Variants in FCHO1 observed in about 807,000 individuals in gnomAD.
FCHO1 encodes F-BAR domain only protein 1.
A neutral mutation model predicts 114.4 loss-of-function variants in FCHO1; 45 were observed. That is an observed-to-expected ratio of 0.39 (90% CI 0.31 to 0.50). FCHO1 has a LOEUF of 0.50. FCHO1 is among the 20% of genes least tolerant of loss of function. FCHO1 has a pLI of 0.77. For missense variants in FCHO1, 1,042 were observed against 1,209.6 expected (o/e 0.86, Z 2.06); for synonymous variants, 480 against 488.9 (o/e 0.98, Z 0.24).
At chr19:17,755,234 G>C (rs200292892) in intron 4 of FCHO1, 43 bp downstream of exon 4, 25 of 1,569,494 alleles carry the variant, frequency 1.6e-5, no homozygotes, top group Non-Finnish European at 2.2e-5. Flanking sequence ...TGGCAGGGCT[G>C]TGGGGACTTT....
At position 17,778,834 on chromosome 19, in the gene FCHO1, C is replaced by A. The variant is rs1452202857; in HGVS notation, c.1577C>A (p.Pro526His). The change falls in exon 20 of 29, where the codon CCC becomes CAC. Residue 526 changes from proline (P) to histidine (H), a missense_variant. By Grantham distance (77) the Pro-to-His change is moderately conservative (BLOSUM62 -2). Coordinates refer to ENST00000596536, the MANE Select transcript of FCHO1 (RefSeq NM_015122.3). Reference protein sequence around the residue: ...RAPPLPDSPQPLASSPGPWGL... With the variant: ...RAPPLPDSPQHLASSPGPWGL... ...CCGCCTCTGCCAGACTCGCCGCAGC[C>A]CCTCGCCTCGTCTCCAGGCCCCTGG... The A allele has an allele frequency of 1.3e-6, 2 of 1,558,814 alleles. No individual in the cohort carries two copies. The highest frequency in any genetic ancestry group is 4.6e-5 in the East Asian group (2 of 43,276).
At chr19:17,781,117 G>A (rs1335230094) in intron 20 of FCHO1, 114 bp from the exon 21 acceptor site, 1 of 710,348 alleles carries the variant, frequency 1.4e-6, no homozygotes, top group African/African-American at 1.8e-5. Context: ...AGACCCATTG[G>A]GGGTCTCTGC....
chr19:17,769,227 A>G (rs58111487), intron 7 of FCHO1, among the ~76,000 whole-genome samples: 61,168 of 134,938 alleles, frequency 0.45, 14,180 homozygotes, highest in East Asian at 0.71. Context: ...GGGAGCTGAG[A>G]TTGTGCCACT....
At chr19:17,773,152 C>T (rs562368988) in intron 11 of FCHO1, among the ~76,000 whole-genome samples, 11 of 152,294 alleles carry the variant, frequency 7.2e-5, no homozygotes, top group Non-Finnish European at 1.2e-4. Context: ...TTTGGGAATG[C>T]GCAGATGCAG....
At position 17,755,160 on chromosome 19, in the gene FCHO1, T is replaced by C; in HGVS notation, c.-5T>C. 2 of 1,612,236 alleles carry C rather than the reference T, an allele frequency of 1.2e-6. No individual in the cohort carries two copies. Among genetic ancestry groups the C allele is most frequent in the African/African-American group, 1.3e-5 (1 of 74,866 alleles). On this transcript the variant is annotated 5_prime_UTR_variant, in exon 4 of 29. Coordinates refer to ENST00000596536, the MANE Select transcript of FCHO1 (RefSeq NM_015122.3). The stretch of plus-strand genomic sequence containing the variant: ...CCTGCAGGGGTCTCCACAGAGACCA[T>C]CAGGATGTCGTATTTTGGGGAGCAT...
At chr19:17,755,028 T>C in intron 3 of FCHO1, 90 bp from the exon 4 acceptor site, 1 of 833,038 alleles carries the variant, frequency 1.2e-6, no homozygotes, top group South Asian at 1.4e-5. Flanking sequence ...TCCTTCATCC[T>C]TTCTCTCCTT....
At position 17,784,984 on chromosome 19, in the gene FCHO1, C is replaced by A; in HGVS notation, c.2426+60C>A. On this transcript the variant is annotated intron_variant, in intron 26 of 28. Coordinates refer to ENST00000596536, the MANE Select transcript of FCHO1 (RefSeq NM_015122.3). The surrounding 1 kb of genome is among the most constrained non-coding windows in gnomAD (Gnocchi z 5.3). The stretch of plus-strand genomic sequence containing the variant: ...AGTTTCCCCCATAACCCCAGACCTT[C>A]TCCCTGATGCATTGATTAAAGGGTG... The A allele has an allele frequency of 6.5e-7, 1 of 1,530,116 alleles. No homozygotes were observed. The highest frequency in any genetic ancestry group is 8.9e-7 in the Non-Finnish European group (1 of 1,119,958). The allele number at this position is 1,530,116 out of a possible 1,614,324, so 94.8% of individuals were successfully genotyped here. A position where few individuals can be genotyped will look rare whatever the true frequency, so the allele number is the denominator to read the frequency against.
intron 4 of FCHO1, among the ~76,000 whole-genome samples, chr19:17,756,467 A>G (rs1284177316): frequency 1.3e-5 from 2 of 152,196 alleles, no homozygotes; most frequent in Non-Finnish European, 2.9e-5. Flanking sequence ...AGATCAGCAA[A>G]GAGAAAATAG....
chr19:17,779,053 G>A (rs767784747), intron 20 of FCHO1, among the ~76,000 whole-genome samples, 169 bp downstream of exon 20: 23 of 152,184 alleles, frequency 1.5e-4, no homozygotes, highest in Non-Finnish European at 2.8e-4. Flanking sequence ...AGCAAGGCAG[G>A]CGGTAGCGGG....
intron 7 of FCHO1, among the ~76,000 whole-genome samples, chr19:17,767,026 G>A (rs1711662055): frequency 6.6e-6 from 1 of 151,960 alleles, no homozygotes; most frequent in African/African-American, 2.4e-5. Context: ...TGTGGCCCAC[G>A]GGCCAAATCC....
At chr19:17,761,633 C>CATATATATATATATATATATATATATAT (rs55848959) in intron 4 of FCHO1, among the ~76,000 whole-genome samples, 42 of 142,658 alleles carry the variant, frequency 2.9e-4, no homozygotes, top group Non-Finnish European at 5.8e-4. Context: ...CATGTATATA[C>CATATATATATATATATATATATATATAT]ATATATATAT....
chr19:17,778,753 C>T lies in FCHO1; in HGVS notation c.1496C>T (p.Pro499Leu), dbSNP rs1430772223. 1 of 1,539,050 alleles carries T rather than the reference C, an allele frequency of 6.5e-7. No individual in the cohort carries two copies. The highest frequency in any genetic ancestry group is 1.7e-4 in the Middle Eastern group (1 of 5,810). ...PDSWVPRPGT[P>L]QSPPSCRAPP... ...TCCTGGGTCCCCCGCCCAGGCACCCCGCAGAGCCCGCCCAGCTGTAGGGCG... is the reference window on the plus strand; with the variant it reads ...TCCTGGGTCCCCCGCCCAGGCACCCTGCAGAGCCCGCCCAGCTGTAGGGCG... The change falls in exon 20 of 29, where the codon CCG (proline) becomes CTG (leucine). Residue 499 changes from proline to leucine, a missense_variant. Pro to Leu is a moderately conservative substitution (Grantham distance 98, BLOSUM62 -3). Transcript: ENST00000596536.
intron 13 of FCHO1, 191 bp from the exon 14 acceptor site, chr19:17,774,865 C>G (rs1221436529): frequency 6.5e-6 from 4 of 616,610 alleles, no homozygotes; most frequent in Admixed American, 5.9e-5. Context: ...TGAGAACACT[C>G]TCTACTCAGC....
At chr19:17,786,406 G>A (rs530588358) in intron 26 of FCHO1, among the ~76,000 whole-genome samples, 168 bp from the exon 27 acceptor site, 2 of 152,172 alleles carry the variant, frequency 1.3e-5, no homozygotes, top group South Asian at 4.1e-4. Context: ...AGGCTGTGTG[G>A]CTCCACGGCT....
intron 6 of FCHO1, among the ~76,000 whole-genome samples, chr19:17,766,285 T>C (rs1465051392): frequency 1.3e-5 from 2 of 151,512 alleles, no homozygotes; most frequent in African/African-American, 4.9e-5. Flanking sequence ...CAAGCGATTC[T>C]TCTGCCACAC....
chr19:17,749,901 CAA>C (rs964811340), upstream of FCHO1, among the ~76,000 whole-genome samples: 16 of 152,216 alleles, frequency 1.1e-4, no homozygotes, highest in South Asian at 2.1e-4. Flanking sequence ...CACTGGGGTC[CAA>C]GAGAGAGGGA....
rs1176191565 is a variant in FCHO1, at chr19:17,784,224, C to T, written c.2215C>T (p.Leu739=). 1 of 1,608,602 alleles carries T rather than the reference C, an allele frequency of 6.2e-7. No individual in the cohort carries two copies. Among genetic ancestry groups the T allele is most frequent in the Non-Finnish European group, 8.5e-7 (1 of 1,177,646 alleles). ...PTASYYNVVL[L]RYQFSRPGPQ... ...TGCCTCCTACTACAACGTGGTGCTG[C>T]TGCGATACCAGGTGCGCCACCCGCA... The change falls in exon 25 of 29, where the codon CTG becomes TTG. Residue 739 remains leucine (L), a synonymous_variant. Coordinates refer to ENST00000596536, the MANE Select transcript of FCHO1 (RefSeq NM_015122.3). The surrounding 1 kb of genome is among the most constrained non-coding windows in gnomAD (Gnocchi z 5.3).
Position 17,753,283 on chromosome 19 carries a change from A to G in FCHO1, c.-182-1034A>G, listed in dbSNP as rs1463491266. 2.0e-5 allele frequency among the ~76,000 whole-genome samples: 3 copies of G among 152,210 alleles called. No individual in the cohort carries two copies. The East Asian group carries it at 5.8e-4, about 29-fold the overall frequency. On this transcript the variant is annotated intron_variant, in intron 1 of 28. Transcript: ENST00000596536. ...CCCTGCCACCAAACTAGGTTTCCTA[A>G]GGGGGTGTGGTGGGGACTGAAGTTT...
chr19:17,757,118 G>A (rs929406629), intron 4 of FCHO1, among the ~76,000 whole-genome samples: 28 of 151,460 alleles, frequency 1.8e-4, no homozygotes, highest in African/African-American at 6.6e-4. Context: ...GAACCCGGGA[G>A]GTGGAAGTCG....
Sources: allele counts gnomAD v4.1 joint callset (sites outside exome capture counted in the v4.1 genomes callset), GRCh38; gene constraint gnomAD v4.1.1; non-coding constraint Gnocchi (gnomAD v3.1); transcripts MANE v1.5; gene names NCBI Gene and HGNC (gene_info 2026-07-23, HGNC 2026-07-21).